FAM174B: variants seen among roughly 807,000 people sequenced by gnomAD.
FAM174B encodes family with sequence similarity 174 member B, also known as membrane protein FAM174B.
Under a neutral mutation model 10.9 loss-of-function variants are expected in FAM174B, and 12 were observed. That is an observed-to-expected ratio of 1.10 (90% CI 0.71 to 1.79). FAM174B has a LOEUF of 1.79. FAM174B is among the 40% of genes most tolerant of loss of function. The probability of loss-of-function intolerance (pLI) is 0.00; values close to 1 mark genes in which losing one functional copy is unlikely to be tolerated. For synonymous variants in FAM174B, 132 were observed against 115.8 expected (o/e 1.14, Z -0.90); for missense variants, 266 against 233.3 (o/e 1.14, Z -0.91).
chr15:92,634,814 T>A (rs1160879965), intron 1 of FAM174B: 1 of 152,166 alleles, frequency 6.6e-6, no homozygotes, highest in East Asian at 1.9e-4. Flanking sequence ...CTAATGTGGG[T>A]GGGCCCCATC....
At chr15:92,640,250 T>C (rs1230628194) in intron 1 of FAM174B, among the ~76,000 whole-genome samples, 2 of 152,072 alleles carry the variant, frequency 1.3e-5, no homozygotes, top group African/African-American at 2.4e-5. Context: ...CATAAAAATG[T>C]CTTAAAGTCA....
At chr15:92,647,877 G>C (rs1312875019) in intron 1 of FAM174B, among the ~76,000 whole-genome samples, 1 of 152,150 alleles carries the variant, frequency 6.6e-6, no homozygotes, top group East Asian at 1.9e-4. Flanking sequence ...GATCTGAAAA[G>C]AGGCATTTAC....
chr15:92,650,585 C>T (rs115421649), intron 1 of FAM174B, among the ~76,000 whole-genome samples: 1 of 152,290 alleles, frequency 6.6e-6, no homozygotes, highest in African/African-American at 2.4e-5. Context: ...GACTTGCCCC[C>T]GCTCTGCTCA....
intron 1 of FAM174B, among the ~76,000 whole-genome samples, chr15:92,642,041 A>G (rs2050895195): frequency 6.6e-6 from 1 of 152,240 alleles, no homozygotes; most frequent in African/African-American, 2.4e-5. Flanking sequence ...AGATTTACAA[A>G]TGCACAATAC....
intron 2 of FAM174B, among the ~76,000 whole-genome samples, chr15:92,628,890 A>G (rs1422182152): frequency 6.6e-6 from 1 of 152,242 alleles, no homozygotes; most frequent in Non-Finnish European, 1.5e-5. Context: ...TTTATACATA[A>G]ATTTTTTAAA....
intron 1 of FAM174B, among the ~76,000 whole-genome samples, chr15:92,637,105 G>T (rs920040593): frequency 3.9e-5 from 6 of 152,192 alleles, no homozygotes; most frequent in Admixed American, 2.0e-4. Context: ...AGGAGTGGAC[G>T]TGAGCCTGGA....
chr15:92,641,400 T>C (rs2050890867), intron 1 of FAM174B, among the ~76,000 whole-genome samples: 1 of 152,242 alleles, frequency 6.6e-6, no homozygotes, highest in South Asian at 2.1e-4. Flanking sequence ...ATGTGTGAAA[T>C]GACACCTACA....
chr15:92,626,434 A>G (rs1017189017), intron 2 of FAM174B, among the ~76,000 whole-genome samples: 1 of 152,142 alleles, frequency 6.6e-6, no homozygotes, highest in Non-Finnish European at 1.5e-5. Context: ...AGTATCTTTT[A>G]AAAATAACTG....
intron 1 of FAM174B, among the ~76,000 whole-genome samples, chr15:92,648,420 G>A (rs1362331183): frequency 1.3e-5 from 2 of 152,182 alleles, no homozygotes; most frequent in Non-Finnish European, 1.5e-5. Flanking sequence ...ACCCTGGGAA[G>A]AACACTGTTT....
At chr15:92,625,882 C>G (rs1391576482) in intron 2 of FAM174B, among the ~76,000 whole-genome samples, 1 of 152,228 alleles carries the variant, frequency 6.6e-6, no homozygotes, top group Non-Finnish European at 1.5e-5. Context: ...TCTAATGACT[C>G]ACTTCCAAGT....
At chr15:92,620,982 T>A (rs985644934) in intron 2 of FAM174B, among the ~76,000 whole-genome samples, 1 of 152,176 alleles carries the variant, frequency 6.6e-6, no homozygotes, top group Admixed American at 6.5e-5. Flanking sequence ...TTTAATAGAA[T>A]TTACAAAATA....
intron 1 of FAM174B, among the ~76,000 whole-genome samples, chr15:92,632,226 TTTG>T (rs966186122): frequency 4.6e-5 from 7 of 152,156 alleles, no homozygotes; most frequent in African/African-American, 1.7e-4. Context: ...CTGGTTTCGT[TTTG>T]TTGTTTTGTT....
At chr15:92,651,262 G>A (rs1054626375) in intron 1 of FAM174B, among the ~76,000 whole-genome samples, 1 of 152,096 alleles carries the variant, frequency 6.6e-6, no homozygotes, top group African/African-American at 2.4e-5. Flanking sequence ...GCACCCCCTA[G>A]GATCCAGAAG....
chr15:92,617,953 C>A lies in FAM174B; in HGVS notation c.*1503G>T. 2.7e-6 allele frequency: 1 copy of A among 373,324 alleles called. No homozygotes were observed. Among genetic ancestry groups the A allele is most frequent in the Non-Finnish European group, 4.8e-6 (1 of 210,258 alleles). The allele number at this position is 373,324 out of a possible 1,614,324, so 23.1% of individuals were successfully genotyped here. A position where few individuals can be genotyped will look rare whatever the true frequency, so the allele number is the denominator to read the frequency against. The stretch of plus-strand genomic sequence containing the variant: ...TTCCCACGGGCTCTGCTCTTTCCTG[C>A]AGAGGCGAAACTGCCTTCCTGGCAG... On this transcript the variant is annotated 3_prime_UTR_variant, in exon 3 of 3. Coordinates refer to ENST00000327355, the MANE Select transcript of FAM174B (RefSeq NM_207446.3).
chr15:92,629,619 G>C (rs1310893767), intron 2 of FAM174B, among the ~76,000 whole-genome samples: 2 of 152,176 alleles, frequency 1.3e-5, no homozygotes, highest in African/African-American at 4.8e-5. Context: ...CTTCTATAAA[G>C]GTGACTTTGT....
At chr15:92,641,813 T>C (rs531968824) in intron 1 of FAM174B, among the ~76,000 whole-genome samples, 3 of 152,180 alleles carry the variant, frequency 2.0e-5, no homozygotes, top group Admixed American at 6.5e-5. Flanking sequence ...ACTAGATAAA[T>C]TGGACTCATC....
chr15:92,630,178 C>A, intron 2 of FAM174B, 36 bp downstream of exon 2: 3 of 1,608,440 alleles, frequency 1.9e-6, no homozygotes, highest in Non-Finnish European at 1.7e-6. Flanking sequence ...CCCACTGCCC[C>A]AAGCCCAGGA....
chr15:92,629,273 C>T (rs2141952220), intron 2 of FAM174B, among the ~76,000 whole-genome samples: 1 of 152,326 alleles, frequency 6.6e-6, no homozygotes, highest in Non-Finnish European at 1.5e-5. Flanking sequence ...AAACTATGCT[C>T]ATCCTCAGCT....
intron 1 of FAM174B, among the ~76,000 whole-genome samples, chr15:92,635,177 ACACAC>A (rs2050847048): frequency 6.7e-6 from 1 of 149,410 alleles, no homozygotes; most frequent in African/African-American, 2.5e-5. Flanking sequence ...ACCCACACAC[ACACAC>A]ACACACACAC....
Sources: allele counts gnomAD v4.1 joint callset (sites outside exome capture counted in the v4.1 genomes callset), GRCh38; gene constraint gnomAD v4.1.1; transcripts MANE v1.5; gene names NCBI Gene and HGNC (gene_info 2026-07-23, HGNC 2026-07-21).